The following RCAN1 variants were observed in gnomAD, a reference collection of about 807,000 sequenced individuals.
RCAN1 encodes calcipressin-1.
A neutral mutation model predicts 22.9 loss-of-function variants in RCAN1; 11 were observed. The ratio of observed to expected loss-of-function variants is 0.48; its 90% CI spans 0.30 to 0.79. The LOEUF (loss-of-function observed/expected upper bound fraction) is 0.79, where lower values mean the gene tolerates loss of function less well. Among genes scored for constraint, RCAN1 ranks in the 30% least tolerant of loss-of-function variants. RCAN1 has a pLI of 0.06. For synonymous variants in RCAN1, 136 were observed against 142.3 expected, an observed-to-expected ratio of 0.96 and a Z score of 0.32; for missense variants, 291 against 337.8, an observed-to-expected ratio of 0.86 and a Z score of 1.09.
At chr21:34,612,301 C>G (rs1368194354) in intron 1 of RCAN1, among the ~76,000 whole-genome samples, 2 of 152,196 alleles carry the variant, frequency 1.3e-5, no homozygotes, top group African/African-American at 4.8e-5. Context: ...CCTCAGCTAC[C>G]AATCGCCTCT....
chr21:34,522,666 G>A (rs889670392), intron 2 of RCAN1: 1 of 151,298 alleles, frequency 6.6e-6, no homozygotes, highest in Admixed American at 6.6e-5. Flanking sequence ...TCCCACTGGG[G>A]GAGGCCTTTG....
chr21:34,580,232 A>G (rs1241101003), intron 1 of RCAN1, among the ~76,000 whole-genome samples: 1 of 152,234 alleles, frequency 6.6e-6, no homozygotes, highest in Non-Finnish European at 1.5e-5. Context: ...CGGGTATGCT[A>G]GAGACAGAGG....
intron 1 of RCAN1, among the ~76,000 whole-genome samples, chr21:34,607,859 G>A (rs1256890667): frequency 6.6e-6 from 1 of 152,202 alleles, no homozygotes; most frequent in East Asian, 1.9e-4. Context: ...AGCAGGAGGT[G>A]AGCAGCGGGT....
chr21:34,602,276 T>C (rs743341), intron 1 of RCAN1, among the ~76,000 whole-genome samples: 32,025 of 151,846 alleles, frequency 0.21, 3,821 homozygotes, highest in East Asian at 0.45. Context: ...AAGCCACAAA[T>C]GCAACACAGA....
rs1988774824 is a variant in RCAN1, at chr21:34,614,792, C to T, written c.220G>A (p.Asp74Asn). The change falls in exon 1 of 4, where the codon GAC becomes AAC. Residue 74 changes from aspartate (D) to asparagine (N), a missense_variant. By Grantham distance (23) the Asp-to-Asn change is conservative. Coordinates refer to ENST00000313806, the MANE Select transcript of RCAN1 (RefSeq NM_004414.7). This position sits in a 1 kb window ranked among gnomAD's most constrained non-coding sequence, Gnocchi z 6.0. ...LPSATIACHL[D>N]PRVFVDGLCR... Reference sequence around the variant, plus strand: ...AGGCCGTCCACGAACACGCGCGGGTCCAGGTGACAGGCGATGGTGGCGCTG... The same window carrying T: ...AGGCCGTCCACGAACACGCGCGGGTTCAGGTGACAGGCGATGGTGGCGCTG... 1.4e-6 allele frequency: 2 copies of T among 1,477,826 alleles called. No homozygotes were observed. Among genetic ancestry groups the T allele is most frequent in the Non-Finnish European group, 1.8e-6 (2 of 1,111,802 alleles). The allele number at this position is 1,477,826 out of a possible 1,614,324, so 91.5% of individuals were successfully genotyped here. A position where few individuals can be genotyped will look rare whatever the true frequency, so the allele number is the denominator to read the frequency against.
At chr21:34,563,844 T>A (rs1325672332) in intron 1 of RCAN1, among the ~76,000 whole-genome samples, 1 of 143,526 alleles carries the variant, frequency 7.0e-6, no homozygotes, top group Non-Finnish European at 1.5e-5. Context: ...CAGGTGCCTA[T>A]AATCACAGCT....
chr21:34,563,557 C>T (rs1986871110), intron 1 of RCAN1, among the ~76,000 whole-genome samples: 1 of 151,758 alleles, frequency 6.6e-6, no homozygotes, highest in Non-Finnish European at 1.5e-5. Flanking sequence ...TTGAACTTAG[C>T]ATGGCTGAAG....
intron 1 of RCAN1, among the ~76,000 whole-genome samples, chr21:34,590,532 C>T (rs1047192016): frequency 6.6e-6 from 1 of 152,228 alleles, no homozygotes; most frequent in African/African-American, 2.4e-5. Flanking sequence ...TTCCTTTCTA[C>T]ACTGCATCTC....
intron 1 of RCAN1, among the ~76,000 whole-genome samples, chr21:34,543,081 T>C (rs1985988058): frequency 6.6e-6 from 1 of 152,246 alleles, no homozygotes; most frequent in East Asian, 1.9e-4. Flanking sequence ...AATGCCTACA[T>C]TGAGGCTTGG....
In RCAN1 at chr21:34,614,353, CG is replaced by C. The variant is rs1318396168; in HGVS notation, c.252+406del. 1 of 990,734 alleles carries C rather than the reference CG, an allele frequency of 1.0e-6. No individual in the cohort carries two copies. Among genetic ancestry groups the C allele is most frequent in the African/African-American group, 1.7e-5 (1 of 57,498 alleles). 61.4% of individuals were successfully genotyped at this position (990,734 alleles called of 1,614,324 possible). A position where few individuals can be genotyped will look rare whatever the true frequency, so the allele number is the denominator to read the frequency against. ...CGTCCTATTTATGAACACTGAGTCA[CG>C]TCGCCGCTCAATGTCTGTTTCCTCC... On this transcript the variant is annotated intron_variant, in intron 1 of 3. Transcript: ENST00000313806. The surrounding 1 kb of genome is among the most constrained non-coding windows in gnomAD (Gnocchi z 6.0).
intron 1 of RCAN1, among the ~76,000 whole-genome samples, chr21:34,528,972 C>T (rs144837110): frequency 4.6e-5 from 7 of 150,582 alleles, no homozygotes; most frequent in South Asian, 2.1e-4. Flanking sequence ...AAAAAAAGAA[C>T]GGTGAGGTAT....
chr21:34,601,592 G>C (rs891866063), intron 1 of RCAN1, among the ~76,000 whole-genome samples: 1 of 152,162 alleles, frequency 6.6e-6, no homozygotes, highest in African/African-American at 2.4e-5. Context: ...GCCAAGGTGG[G>C]CGGATCACGA....
chr21:34,554,264 C>T (rs62214578), intron 1 of RCAN1, among the ~76,000 whole-genome samples: 13,394 of 152,186 alleles, frequency 0.088, 929 homozygotes, highest in African/African-American at 0.18. Flanking sequence ...ATTATGCCAT[C>T]GCTTTCACCT....
In RCAN1 at chr21:34,524,846, C is replaced by T. The variant is rs575649894; in HGVS notation, c.253-1136G>A. ...AGGCTGGGTCCTGGAGTGTGGCTGT[C>T]GGTGGGGGCAGCTGGGGGCCACTGC... On this transcript the variant is annotated intron_variant, in intron 1 of 3. Transcript: ENST00000313806. Among the ~76,000 whole-genome samples the T allele has an allele frequency of 5.2e-4, 79 of 152,136 alleles. 1 individual carries two copies. Among genetic ancestry groups the T allele is most frequent in the Non-Finnish European group, 8.7e-4 (59 of 68,006 alleles).
At chr21:34,528,581 C>T (rs1985202655) in intron 1 of RCAN1, among the ~76,000 whole-genome samples, 1 of 152,214 alleles carries the variant, frequency 6.6e-6, no homozygotes, top group Non-Finnish European at 1.5e-5. Flanking sequence ...CCAGCAGGCA[C>T]ATGAAGATTG....
chr21:34,601,350 C>T (rs1988333089), intron 1 of RCAN1, among the ~76,000 whole-genome samples: 3 of 152,172 alleles, frequency 2.0e-5, no homozygotes, highest in African/African-American at 7.2e-5. Flanking sequence ...TTTATAATCC[C>T]ACTTGATAAA....
rs1444378187 is a variant in RCAN1, at chr21:34,586,460, T to A, written c.252+28300A>T. On this transcript the variant is annotated intron_variant, in intron 1 of 3. Coordinates refer to ENST00000313806, the MANE Select transcript of RCAN1 (RefSeq NM_004414.7). ...ACAATCTACAGATCAATGAAGAAAT[T>A]ATACTGGAAATCAGAAAATATCCTG... 3.3e-5 allele frequency among the ~76,000 whole-genome samples: 5 copies of A among 152,016 alleles called. No homozygotes were observed. The East Asian group carries it at 5.8e-4, about 18-fold the overall frequency.
chr21:34,531,258 T>C (rs1985374192), intron 1 of RCAN1, among the ~76,000 whole-genome samples: 4 of 152,332 alleles, frequency 2.6e-5, no homozygotes, highest in Admixed American at 2.6e-4. Flanking sequence ...GCACACACTA[T>C]GTTTAGGAGA....
At chr21:34,553,798 A>G (rs1211168706) in intron 1 of RCAN1, among the ~76,000 whole-genome samples, 1 of 152,220 alleles carries the variant, frequency 6.6e-6, no homozygotes, top group African/African-American at 2.4e-5. Flanking sequence ...ACTTGTGATG[A>G]AACAAATAAC....
Sources: gnomAD v4.1 joint callset for allele counts (sites outside exome capture counted in the v4.1 genomes callset) on GRCh38, gnomAD v4.1.1 for gene constraint, Gnocchi (gnomAD v3.1) non-coding constraint, MANE v1.5 for transcripts, NCBI Gene and HGNC (gene_info 2026-07-23, HGNC 2026-07-21) for gene names.